Variants in FCHO2 observed in about 807,000 individuals in gnomAD.
FCHO2 encodes FCH and mu domain containing endocytic adaptor 2, also known as F-BAR domain only protein 2.
Under a neutral mutation model 114.1 loss-of-function variants are expected in FCHO2, and 43 were observed. That is an observed-to-expected ratio of 0.38 (90% confidence interval 0.30 to 0.49). The LOEUF is 0.49. Ranked by LOEUF, FCHO2 falls within the 20% of genes least tolerant of loss-of-function variation. FCHO2 has a pLI of 0.97. For synonymous variants in FCHO2, 293 were observed against 315.2 expected (o/e 0.93, Z 0.75); for missense variants, 807 against 950.4 (o/e 0.85, Z 1.98).
intron 11 of FCHO2, among the ~76,000 whole-genome samples, chr5:73,049,912 A>G (rs1461754466): frequency 6.6e-6 from 1 of 152,196 alleles, no homozygotes; most frequent in African/African-American, 2.4e-5. Flanking sequence ...ACATATACAT[A>G]TAAATACCAT....
rs1416769771 is a variant in FCHO2, at chr5:73,006,456, A to C, written c.507A>C (p.Lys169Asn). 1 of 1,529,460 alleles carries C rather than the reference A, an allele frequency of 6.5e-7. No individual in the cohort carries two copies. The highest frequency in any genetic ancestry group is 8.7e-7 in the Non-Finnish European group (1 of 1,147,438). The allele number at this position is 1,529,460 out of a possible 1,614,324, so 94.7% of individuals were successfully genotyped here. A position where few individuals can be genotyped will look rare whatever the true frequency, so the allele number is the denominator to read the frequency against. The change falls in exon 6 of 26, where the codon AAA becomes AAC. Residue 169 changes from lysine to asparagine, a missense_variant. Physicochemically the swap from Lys to Asn is moderately conservative, Grantham distance 94. Transcript: ENST00000430046. ...TTATTTTATTACAGGCAGCTGTTAA[A>C]TCTAAGAAAGCTACAGATACCTATA... is the stretch of plus-strand genomic sequence containing the variant. ...TQREIEKAAV[K>N]SKKATDTYKL... is the part of the protein sequence containing the mutation.
intron 10 of FCHO2, among the ~76,000 whole-genome samples, chr5:73,038,650 A>G (rs2112804173): frequency 6.6e-6 from 1 of 152,232 alleles, no homozygotes; most frequent in Admixed American, 6.5e-5. Context: ...AGTTTCCTAG[A>G]ATTTCTTTCA....
chr5:73,042,856 G>A (rs1229877485), intron 11 of FCHO2, among the ~76,000 whole-genome samples: 1 of 152,176 alleles, frequency 6.6e-6, no homozygotes, highest in East Asian at 1.9e-4. Context: ...AAATAGTGGT[G>A]TTCTTCTGGT....
At chr5:72,993,309 A>G (rs1276945482) in intron 5 of FCHO2, among the ~76,000 whole-genome samples, 3 of 152,182 alleles carry the variant, frequency 2.0e-5, no homozygotes, top group Non-Finnish European at 2.9e-5. Context: ...ATATAGTCAA[A>G]GAATGAGTTT....
At chr5:72,977,299 C>CT (rs1752943062) in intron 2 of FCHO2, among the ~76,000 whole-genome samples, 1 of 152,268 alleles carries the variant, frequency 6.6e-6, no homozygotes, top group Non-Finnish European at 1.5e-5. Context: ...TGTTTCCTGA[C>CT]TTTTTAATGA....
At chr5:73,047,468 TATA>T (rs1157719829) in intron 11 of FCHO2, among the ~76,000 whole-genome samples, 3 of 152,128 alleles carry the variant, frequency 2.0e-5, no homozygotes, top group Non-Finnish European at 4.4e-5. Flanking sequence ...ACTTAAAAGT[TATA>T]ATACTATATA....
intron 20 of FCHO2, 91 bp from the exon 21 acceptor site, chr5:73,077,247 C>T (rs1742943285): frequency 2.1e-5 from 23 of 1,083,000 alleles, no homozygotes; most frequent in South Asian, 6.9e-5. Flanking sequence ...TGTGTGTGTG[C>T]GCACGTGCAC....
At chr5:73,048,830 TC>T (rs1757194855) in intron 11 of FCHO2, among the ~76,000 whole-genome samples, 1 of 151,860 alleles carries the variant, frequency 6.6e-6, no homozygotes, top group Admixed American at 6.6e-5. Context: ...CCCTGCAGCT[TC>T]ACTAACAGAG....
At chr5:72,960,799 A>G (rs1366457096) in intron 1 of FCHO2, among the ~76,000 whole-genome samples, 1 of 152,200 alleles carries the variant, frequency 6.6e-6, no homozygotes, top group Admixed American at 6.5e-5. Context: ...ACCTGAGTTG[A>G]ATAGCTTATA....
chr5:72,998,382 G>T (rs1467867403), intron 5 of FCHO2, among the ~76,000 whole-genome samples: 2 of 151,950 alleles, frequency 1.3e-5, no homozygotes, highest in East Asian at 3.9e-4. Flanking sequence ...AGCTACTCTG[G>T]AGGCTGAGGC....
intron 10 of FCHO2, among the ~76,000 whole-genome samples, chr5:73,039,852 T>G (rs2112806776): frequency 6.6e-6 from 1 of 151,348 alleles, no homozygotes; most frequent in Non-Finnish European, 1.5e-5. Context: ...TGCTTGAACC[T>G]GGAAGGCCGA....
At chr5:73,075,533 T>C (rs927467167) in intron 20 of FCHO2, among the ~76,000 whole-genome samples, 2 of 152,128 alleles carry the variant, frequency 1.3e-5, no homozygotes, top group African/African-American at 4.8e-5. Context: ...ATAAAGAATT[T>C]GGAATTTATT....
chr5:73,026,103 G>C (rs573914123), intron 8 of FCHO2, among the ~76,000 whole-genome samples: 10 of 152,082 alleles, frequency 6.6e-5, no homozygotes, highest in Non-Finnish European at 1.3e-4. Context: ...AACGCCTGCA[G>C]AAAAAGGCAA....
Position 73,087,805 on chromosome 5 carries a change from C to G in FCHO2, c.2410+52C>G. Reference sequence around the variant, plus strand: ...AATGTACATGGGAAACATTTGTATTCTAACAGTTATTAAAAAACTGTCAAG... The same window carrying G: ...AATGTACATGGGAAACATTTGTATTGTAACAGTTATTAAAAAACTGTCAAG... On this transcript the variant is annotated intron_variant, in intron 25 of 25. Transcript: ENST00000430046. 9.2e-6 allele frequency: 14 copies of G among 1,519,158 alleles called. No individual in the cohort carries two copies. In the South Asian group the frequency reaches 1.9e-4, roughly 20 times the overall value. The allele number at this position is 1,519,158 out of a possible 1,614,324, so 94.1% of individuals were successfully genotyped here.
chr5:73,031,285 A>G (rs188452164), intron 8 of FCHO2, among the ~76,000 whole-genome samples: 7 of 152,216 alleles, frequency 4.6e-5, no homozygotes, highest in African/African-American at 1.2e-4. Flanking sequence ...CATTATCATC[A>G]TTCCTTTTAT....
intron 6 of FCHO2, among the ~76,000 whole-genome samples, chr5:73,012,478 G>T (rs1020866551): frequency 2.0e-5 from 3 of 152,072 alleles, no homozygotes; most frequent in Non-Finnish European, 2.9e-5. Flanking sequence ...AATTAGCTGG[G>T]TGTGGTGGCA....
At chr5:73,053,621 A>T (rs771432792) in intron 13 of FCHO2, among the ~76,000 whole-genome samples, 1 of 151,614 alleles carries the variant, frequency 6.6e-6, no homozygotes, top group Non-Finnish European at 1.5e-5. Context: ...CTTGAAAACC[A>T]TGAGGCGGAG....
In FCHO2 at chr5:73,037,901, G is replaced by A. The variant is rs190553343; in HGVS notation, c.914+686G>A. On this transcript the variant is annotated intron_variant, in intron 10 of 25. Transcript: ENST00000430046. ...CAGCCTCCCAAGTAGCTGGAATTACGGCGCCCACCACCACATCTGGCTAAT... is the reference window on the plus strand; with the variant it reads ...CAGCCTCCCAAGTAGCTGGAATTACAGCGCCCACCACCACATCTGGCTAAT... The A allele has an allele frequency of 2.2e-3, 687 of 308,536 alleles. 4 individuals are homozygous for A. The highest frequency in any genetic ancestry group is 0.015 in the African/African-American group (630 of 43,414). 19.1% of individuals were successfully genotyped at this position (308,536 alleles called of 1,614,324 possible). A position where few individuals can be genotyped will look rare whatever the true frequency, so the allele number is the denominator to read the frequency against.
intron 1 of FCHO2, among the ~76,000 whole-genome samples, chr5:72,963,437 A>T (rs1751984595): frequency 6.6e-6 from 1 of 152,180 alleles, no homozygotes; most frequent in African/African-American, 2.4e-5. Flanking sequence ...TTCAAGATAG[A>T]TTCTACTATA....
Sources: gnomAD v4.1 joint callset for allele counts (sites outside exome capture counted in the v4.1 genomes callset) on GRCh38, gnomAD v4.1.1 for gene constraint, MANE v1.5 for transcripts, NCBI Gene and HGNC (gene_info 2026-07-23, HGNC 2026-07-21) for gene names.